Variants in CFAP20DC observed in about 807,000 individuals in gnomAD.
The protein encoded by CFAP20DC is CFAP20 domain containing, also known as protein CFAP20DC.
Under a neutral mutation model 101.7 loss-of-function variants are expected in CFAP20DC, and 84 were observed. The ratio of observed to expected loss-of-function variants is 0.83; its 90% CI spans 0.69 to 0.99. The LOEUF (loss-of-function observed/expected upper bound fraction) is 0.99. CFAP20DC is among the 50% of genes least tolerant of loss of function. The pLI is 0.00. For synonymous variants in CFAP20DC, 359 were observed against 351.2 expected (o/e 1.02, Z -0.25); for missense variants, 1,007 against 970.3 (o/e 1.04, Z -0.50).
chr3:58,930,035 C>T (rs2086421096), intron 5 of CFAP20DC, among the ~76,000 whole-genome samples: 1 of 152,128 alleles, frequency 6.6e-6, no homozygotes, highest in South Asian at 2.1e-4. Flanking sequence ...TTAATGCCTT[C>T]CTGTCTTTCA....
chr3:58,810,524 C>G (rs546494321), intron 14 of CFAP20DC, among the ~76,000 whole-genome samples: 2 of 152,122 alleles, frequency 1.3e-5, no homozygotes, highest in Non-Finnish European at 2.9e-5. Flanking sequence ...TAAAAACTCT[C>G]AATAAATTAG....
At chr3:58,782,274 A>G (rs2107578270) in intron 15 of CFAP20DC, among the ~76,000 whole-genome samples, 1 of 152,128 alleles carries the variant, frequency 6.6e-6, no homozygotes, top group African/African-American at 2.4e-5. Context: ...GCATAGAAAT[A>G]ATATACTTCA....
chr3:58,766,651 G>C (rs935669938), intron 15 of CFAP20DC, among the ~76,000 whole-genome samples: 4 of 152,168 alleles, frequency 2.6e-5, no homozygotes, highest in African/African-American at 9.7e-5. Flanking sequence ...CTTAGCCTTT[G>C]AGGCTTTCCA....
chr3:58,913,531 G>A lies in CFAP20DC; in HGVS notation c.550+177C>T. The A allele has an allele frequency of 1.5e-6, 1 of 646,418 alleles. No individual in the cohort carries two copies. The highest frequency in any genetic ancestry group is 2.7e-6 in the Non-Finnish European group (1 of 372,364). 40.0% of individuals were successfully genotyped at this position (646,418 alleles called of 1,614,324 possible). ...ATTAATACCTTTTTTGTGACATTCA[G>A]CTATAGTAAAAATAAACATTTGATC... On this transcript the variant is annotated intron_variant, in intron 6 of 16. Transcript: ENST00000482387. This position sits in a 1 kb window ranked among gnomAD's most constrained non-coding sequence, Gnocchi z 4.4.
At chr3:58,854,038 T>A (rs556950141) in intron 12 of CFAP20DC, among the ~76,000 whole-genome samples, 288 of 152,180 alleles carry the variant, frequency 1.9e-3, no homozygotes, top group African/African-American at 6.5e-3. Flanking sequence ...AAAGAGGAAG[T>A]CAAATTGTCC....
intron 15 of CFAP20DC, among the ~76,000 whole-genome samples, chr3:58,777,868 T>C (rs1469297859): frequency 6.6e-6 from 1 of 152,090 alleles, no homozygotes; most frequent in Non-Finnish European, 1.5e-5. Flanking sequence ...AGAGAGACAG[T>C]TCATGCTCAA....
intron 14 of CFAP20DC, among the ~76,000 whole-genome samples, chr3:58,814,365 T>G (rs1409498052): frequency 2.0e-5 from 3 of 151,660 alleles, no homozygotes; most frequent in Non-Finnish European, 4.4e-5. Flanking sequence ...TTCAAAATAA[T>G]AAGAGCTATC....
At position 58,974,022 on chromosome 3, in the gene CFAP20DC, C is replaced by A. The variant is rs116219680; in HGVS notation, c.279-36260G>T. ...AGTCTGGGTGATTCATATGGTATGA[C>A]GTAGGAGGACAGGAGCGGGCTACCT... On this transcript the variant is annotated intron_variant, in intron 4 of 16. Coordinates refer to ENST00000482387, the MANE Select transcript of CFAP20DC (RefSeq NM_001394063.1). Among the ~76,000 whole-genome samples, 713 of 152,082 alleles carry A rather than the reference C, an allele frequency of 4.7e-3. 3 individuals are homozygous for A. The highest frequency in any genetic ancestry group is 0.017 in the African/African-American group (685 of 41,482).
At chr3:58,752,819 T>C (rs571552785) in intron 16 of CFAP20DC, among the ~76,000 whole-genome samples, 1 of 152,258 alleles carries the variant, frequency 6.6e-6, no homozygotes, top group South Asian at 2.1e-4. Flanking sequence ...GATGCTCTAC[T>C]TTTTTCCCTG....
chr3:58,801,025 G>T (rs2073651785), intron 15 of CFAP20DC, among the ~76,000 whole-genome samples: 1 of 151,336 alleles, frequency 6.6e-6, no homozygotes, highest in Non-Finnish European at 1.5e-5. Context: ...CACTGGGGTG[G>T]GGTGGGGTGG....
chr3:58,864,413 A>T lies in CFAP20DC; in HGVS notation c.1259-521T>A, dbSNP rs2079510717. Among the ~76,000 whole-genome samples the T allele has an allele frequency of 6.6e-6, 1 of 152,202 alleles. No homozygotes were observed. The highest frequency in any genetic ancestry group is 2.1e-4 in the South Asian group (1 of 4,822). ...CAGTGCCTATAGCTATGGGCAACTC[A>T]TTTGCACTTCCTCTCCATTTGAGTT... On this transcript the variant is annotated intron_variant, in intron 11 of 16. Transcript: ENST00000482387. This position sits in a 1 kb window ranked among gnomAD's most constrained non-coding sequence, Gnocchi z 4.7.
chr3:58,792,416 A>G (rs1289130908), intron 15 of CFAP20DC, among the ~76,000 whole-genome samples: 3 of 152,142 alleles, frequency 2.0e-5, no homozygotes, highest in Non-Finnish European at 4.4e-5. Context: ...CAAGCCTTAC[A>G]TTAGGTTTTG....
At chr3:58,771,947 T>A (rs1005098180) in intron 15 of CFAP20DC, among the ~76,000 whole-genome samples, 1 of 152,212 alleles carries the variant, frequency 6.6e-6, no homozygotes, top group Non-Finnish European at 1.5e-5. Context: ...CATGCACATG[T>A]AAAAATTAAA....
rs1229181033 is a variant in CFAP20DC at position 58,971,756 on chromosome 3, G to T, written c.279-33994C>A. Among the ~76,000 whole-genome samples the T allele has an allele frequency of 6.6e-6, 1 of 152,020 alleles. No homozygotes were observed. On this transcript the variant is annotated intron_variant, in intron 4 of 16. Coordinates refer to ENST00000482387, the MANE Select transcript of CFAP20DC (RefSeq NM_001394063.1). The surrounding 1 kb of genome is among the most constrained non-coding windows in gnomAD (Gnocchi z 4.1). ...GTAGTATGGAAATCGTCTCAAGGCAGGTAACAGAGAAAGCCCCACTGTCAC... is the reference window on the plus strand; with the variant it reads ...GTAGTATGGAAATCGTCTCAAGGCATGTAACAGAGAAAGCCCCACTGTCAC...
chr3:58,847,667 G>T (rs2077798695), intron 13 of CFAP20DC, among the ~76,000 whole-genome samples: 1 of 150,264 alleles, frequency 6.7e-6, no homozygotes, highest in African/African-American at 2.4e-5. Context: ...CCATTACTGG[G>T]TATATACCCA....
chr3:58,900,240 G>T (rs77346637), intron 6 of CFAP20DC, among the ~76,000 whole-genome samples: 2,633 of 152,272 alleles, frequency 0.017, 69 homozygotes, highest in African/African-American at 0.059. Context: ...AATGACTGGA[G>T]AATCCTAATG....
intron 13 of CFAP20DC, 125 bp downstream of exon 13, chr3:58,848,907 A>G: frequency 8.3e-7 from 1 of 1,208,394 alleles, no homozygotes; most frequent in African/African-American, 1.5e-5. Flanking sequence ...TCAGAACAGG[A>G]AAGAAAATAC....
At chr3:58,962,238 TTAAAG>T (rs1232790063) in intron 4 of CFAP20DC, among the ~76,000 whole-genome samples, 1 of 152,242 alleles carries the variant, frequency 6.6e-6, no homozygotes, top group Non-Finnish European at 1.5e-5. Context: ...GTTCTGATCT[TTAAAG>T]TATTTTCCTT....
chr3:59,038,262 C>T (rs964146638), intron 4 of CFAP20DC, among the ~76,000 whole-genome samples: 3 of 152,016 alleles, frequency 2.0e-5, no homozygotes, highest in African/African-American at 7.3e-5. Context: ...CACATGTATC[C>T]CATAACTTAA....
Sources: gnomAD v4.1 joint callset for allele counts (sites outside exome capture counted in the v4.1 genomes callset) on GRCh38, gnomAD v4.1.1 for gene constraint, Gnocchi (gnomAD v3.1) non-coding constraint, MANE v1.5 for transcripts, NCBI Gene and HGNC (gene_info 2026-07-23, HGNC 2026-07-21) for gene names.